COL23A1: variants seen among roughly 807,000 people sequenced by gnomAD.
COL23A1 encodes collagen type XXIII alpha 1 chain, also known as collagen alpha-1(XXIII) chain.
In COL23A1, 97 loss-of-function variants were observed where a neutral mutation model predicts 99.3. That is an observed-to-expected ratio of 0.98 (90% CI 0.83 to 1.16). The LOEUF is 1.16. Among genes scored for constraint, COL23A1 ranks in the 50% most tolerant of loss-of-function variants. The probability of loss-of-function intolerance (pLI) is 0.00; values close to 1 mark genes in which losing one functional copy is unlikely to be tolerated. For missense variants in COL23A1, 762 were observed against 757.4 expected (o/e 1.01, Z -0.07); for synonymous variants, 320 against 308.2 (o/e 1.04, Z -0.40).
chr5:178,243,067 G>A (rs1320881552), intron 25 of COL23A1, among the ~76,000 whole-genome samples: 2 of 152,216 alleles, frequency 1.3e-5, no homozygotes, highest in Non-Finnish European at 2.9e-5. Flanking sequence ...ATGCGCGCCT[G>A]TAATCCCAGC....
In COL23A1 at chr5:178,313,559, G is replaced by A. The variant is rs1157901036; in HGVS notation, c.362-6640C>T. 1.3e-5 allele frequency among the ~76,000 whole-genome samples: 2 copies of A among 152,164 alleles called. No homozygotes were observed. Among genetic ancestry groups the A allele is most frequent in the South Asian group, 2.1e-4 (1 of 4,824 alleles). ...CAAGGTCACACAGTGGAGAAATGGC[G>A]GAACTGGAACTGGAACCCGGGTCTG... On this transcript the variant is annotated intron_variant, in intron 2 of 28. Transcript: ENST00000390654. The surrounding 1 kb of genome is among the most constrained non-coding windows in gnomAD (Gnocchi z 4.2).
At chr5:178,414,410 T>TA (rs11332594) in intron 2 of COL23A1, among the ~76,000 whole-genome samples, 61 of 148,738 alleles carry the variant, frequency 4.1e-4, no homozygotes, top group East Asian at 1.6e-3. Flanking sequence ...ATCCTTTTTT[T>TA]AAAAAAAAAA....
chr5:178,567,263 A>T (rs1410810802), intron 1 of COL23A1, among the ~76,000 whole-genome samples: 2 of 152,208 alleles, frequency 1.3e-5, no homozygotes, highest in Non-Finnish European at 2.9e-5. Context: ...CAGTACCCAG[A>T]TCTTGGTCTC....
intron 2 of COL23A1, among the ~76,000 whole-genome samples, chr5:178,503,422 C>CT (rs769192908): frequency 2.9e-4 from 44 of 152,176 alleles, no homozygotes; most frequent in Non-Finnish European, 5.9e-4. Flanking sequence ...TTAGGCAGTG[C>CT]TGAGGACATA....
At chr5:178,476,648 G>A (rs1325561479) in intron 2 of COL23A1, among the ~76,000 whole-genome samples, 4 of 152,204 alleles carry the variant, frequency 2.6e-5, no homozygotes, top group Non-Finnish European at 5.9e-5. Context: ...CCACTGTGGC[G>A]CTGTAACCAG....
rs1344653109 is a variant in COL23A1 at position 178,384,543 on chromosome 5, G to A, written c.362-77624C>T. On this transcript the variant is annotated intron_variant, in intron 2 of 28. Coordinates refer to ENST00000390654, the MANE Select transcript of COL23A1 (RefSeq NM_173465.4). This position sits in a 1 kb window ranked among gnomAD's most constrained non-coding sequence, Gnocchi z 5.5. The stretch of plus-strand genomic sequence containing the variant: ...CCAGCGGCCCACCGGGCACTGTGCA[G>A]GGGCCGGCGTGCCTTACTTCCCTCC... Among the ~76,000 whole-genome samples the A allele has an allele frequency of 1.3e-5, 2 of 152,164 alleles. No individual in the cohort carries two copies. The highest frequency in any genetic ancestry group is 4.8e-5 in the African/African-American group (2 of 41,460).
At chr5:178,495,760 A>G (rs1365290464) in intron 2 of COL23A1, among the ~76,000 whole-genome samples, 1 of 152,178 alleles carries the variant, frequency 6.6e-6, no homozygotes, top group Admixed American at 6.5e-5. Flanking sequence ...CTCAGGAGAC[A>G]GGGTAAGTAA....
At chr5:178,327,555 T>C (rs1759758198) in intron 2 of COL23A1, among the ~76,000 whole-genome samples, 1 of 152,140 alleles carries the variant, frequency 6.6e-6, no homozygotes, top group South Asian at 2.1e-4. Context: ...CCCTTAGTGA[T>C]TCCTACAGCA....
At chr5:178,287,526 G>T (rs1290832397) in intron 5 of COL23A1, among the ~76,000 whole-genome samples, 1 of 152,202 alleles carries the variant, frequency 6.6e-6, no homozygotes, top group Non-Finnish European at 1.5e-5. Flanking sequence ...CCCTGGTGCT[G>T]GGGCTGGCCT....
rs1463270067 is a variant in COL23A1 at position 178,517,712 on chromosome 5, C to T, written c.361+42970G>A. On this transcript the variant is annotated intron_variant, in intron 2 of 28. Transcript: ENST00000390654. The stretch of plus-strand genomic sequence containing the variant: ...AAGTAGCTGGGATTACAGGCACGTG[C>T]CACCACGCCAAGCTAATTTTTGTAT... 2.1e-5 allele frequency among the ~76,000 whole-genome samples: 3 copies of T among 144,378 alleles called. No homozygotes were observed. The South Asian group carries it at 6.7e-4, about 32-fold the overall frequency. 94.7% of individuals were successfully genotyped at this position (144,378 alleles called of 152,430 possible).
intron 4 of COL23A1, among the ~76,000 whole-genome samples, chr5:178,290,046 C>T (rs1054274726): frequency 1.3e-5 from 2 of 152,092 alleles, no homozygotes; most frequent in Non-Finnish European, 2.9e-5. Flanking sequence ...TTTTTCGTGC[C>T]TCGATTTCCT....
chr5:178,244,096 C>T (rs372908997), intron 25 of COL23A1, among the ~76,000 whole-genome samples: 2 of 152,186 alleles, frequency 1.3e-5, no homozygotes, highest in African/African-American at 4.8e-5. Flanking sequence ...CCTCCCGCCT[C>T]AGTCTCCTGA....
chr5:178,262,737 G>T (rs1190282036), intron 9 of COL23A1, among the ~76,000 whole-genome samples: 1 of 152,178 alleles, frequency 6.6e-6, no homozygotes, highest in Non-Finnish European at 1.5e-5. Context: ...CCCCAGAAGG[G>T]TCTCAGGCTC....
At chr5:178,536,890 G>A (rs1760995336) in intron 2 of COL23A1, among the ~76,000 whole-genome samples, 1 of 152,180 alleles carries the variant, frequency 6.6e-6, no homozygotes, top group African/African-American at 2.4e-5. Flanking sequence ...CTCCGCCCCA[G>A]GCCCTGGTGA....
At chr5:178,482,048 G>A (rs1581474404) in intron 2 of COL23A1, among the ~76,000 whole-genome samples, 1 of 149,336 alleles carries the variant, frequency 6.7e-6, no homozygotes, top group African/African-American at 2.5e-5. Flanking sequence ...CGCAGCTGCT[G>A]TGGAAAACAA....
intron 2 of COL23A1, among the ~76,000 whole-genome samples, chr5:178,388,250 C>T (rs2127747498): frequency 6.6e-6 from 1 of 152,324 alleles, no homozygotes; most frequent in African/African-American, 2.4e-5. Flanking sequence ...TAGCGCTAGT[C>T]CTGATAATCC....
At chr5:178,378,706 G>T (rs1763214155) in intron 2 of COL23A1, among the ~76,000 whole-genome samples, 1 of 152,206 alleles carries the variant, frequency 6.6e-6, no homozygotes, top group South Asian at 2.1e-4. Context: ...GCCCAGGGAG[G>T]TTTGGTGCCT....
Position 178,387,291 on chromosome 5 carries a change from T to TTC in COL23A1, c.362-80374_362-80373dup, listed in dbSNP as rs1342058989. Among the ~76,000 whole-genome samples, 1 of 152,030 alleles carries TTC rather than the reference T, an allele frequency of 6.6e-6. No homozygotes were observed. The highest frequency in any genetic ancestry group is 1.5e-5 in the Non-Finnish European group (1 of 67,996). ...TTATGCCTGGGCCCAGACTCCCCAC[T>TTC]TCTCTTCCTCGTCTCCTTCCACATG... On this transcript the variant is annotated intron_variant, in intron 2 of 28. Transcript: ENST00000390654. This position sits in a 1 kb window ranked among gnomAD's most constrained non-coding sequence, Gnocchi z 4.7.
chr5:178,385,050 G>T (rs1763596754), intron 2 of COL23A1, among the ~76,000 whole-genome samples: 1 of 152,174 alleles, frequency 6.6e-6, no homozygotes, highest in Admixed American at 6.5e-5. Context: ...GTAGTCTTCT[G>T]TGGCAGCCCC....
Sources: allele counts gnomAD v4.1 joint callset (sites outside exome capture counted in the v4.1 genomes callset), GRCh38; gene constraint gnomAD v4.1.1; non-coding constraint Gnocchi (gnomAD v3.1); transcripts MANE v1.5; gene names NCBI Gene and HGNC (gene_info 2026-07-23, HGNC 2026-07-21).